The following ZC3H7B variants were observed in gnomAD, a reference collection of about 807,000 sequenced individuals.
ZC3H7B encodes the protein zinc finger CCCH domain-containing protein 7B.
ZC3H7B carries 35 observed loss-of-function variants against 116.0 expected under a neutral mutation model. That is an observed-to-expected ratio of 0.30 (90% CI 0.23 to 0.40). The LOEUF (loss-of-function observed/expected upper bound fraction) is 0.40. Among genes scored for constraint, ZC3H7B ranks in the 10% least tolerant of loss-of-function variants. The pLI is 1.00. For missense variants in ZC3H7B, 1,011 were observed against 1,321.5 expected (o/e 0.77, Z 3.64); for synonymous variants, 502 against 545.6 (o/e 0.92, Z 1.11).
rs2036365010 is a variant in ZC3H7B at position 41,330,233 on chromosome 22, G to A, written c.525+130G>A. On this transcript the variant is annotated intron_variant, in intron 6 of 22. Transcript: ENST00000352645. ...TTAGGACAGAGGGGAGTGACAGCAG[G>A]TGATCTTCCTTGTCTGTTGGCTGAA... 4.6e-6 allele frequency: 4 copies of A among 861,426 alleles called. No individual in the cohort carries two copies. In the Admixed American group the frequency reaches 1.1e-4, roughly 23 times the overall value. 53.4% of individuals were successfully genotyped at this position (861,426 alleles called of 1,614,324 possible).
intron 5 of ZC3H7B, among the ~76,000 whole-genome samples, chr22:41,328,514 T>C (rs758956273): frequency 7.9e-5 from 12 of 152,170 alleles, no homozygotes; most frequent in Non-Finnish European, 1.8e-4. Flanking sequence ...GTGTCTTCCT[T>C]GCCCTTTTGT....
In ZC3H7B at chr22:41,343,483, G is replaced by A. The variant is rs577282889; in HGVS notation, c.1366G>A (p.Gly456Ser). Residue 456 changes from glycine to serine, a missense_variant, in exon 13 of 23, where the codon GGC (glycine) becomes AGC (serine). By Grantham distance (56) the Gly-to-Ser change is moderately conservative. Around this residue, in one of 5 missense-constraint regions of ZC3H7B, gnomAD observed 179 missense variants for 178.5 expected, o/e 1.00. Transcript: ENST00000352645. ...EHKCKRDILLGRLRSSEDQTW... is the reference protein window; with the variant it reads ...EHKCKRDILLSRLRSSEDQTW... ...CAAGTGCAAGCGGGACATCCTGCTC[G>A]GCCGGCTCCGGAGCTCGGAGGACCA... 5.0e-5 allele frequency: 81 copies of A among 1,613,794 alleles called. No individual in the cohort carries two copies. Among genetic ancestry groups the A allele is most frequent in the East Asian group, 1.3e-4 (6 of 44,882 alleles).
Position 41,322,508 on chromosome 22 carries a change from T to C in ZC3H7B, c.53+1795T>C, listed in dbSNP as rs1036594609. On this transcript the variant is annotated intron_variant, in intron 2 of 22. Coordinates refer to ENST00000352645, the MANE Select transcript of ZC3H7B (RefSeq NM_017590.6). ...GCCCGACATTTGTTTTTGTTTTATT[T>C]CTCTTTTTTTTTACACACAAAATAT... Among the ~76,000 whole-genome samples the C allele has an allele frequency of 2.6e-5, 4 of 151,050 alleles. No homozygotes were observed. The East Asian group carries it at 7.7e-4, about 29-fold the overall frequency.
chr22:41,343,564 T>G lies in ZC3H7B; in HGVS notation c.1447T>G (p.Tyr483Asp). 1 of 1,607,082 alleles carries G rather than the reference T, an allele frequency of 6.2e-7. No homozygotes were observed. The highest frequency in any genetic ancestry group is 1.3e-5 in the African/African-American group (1 of 74,980). Residue 483 changes from tyrosine (Y) to aspartate (D), a missense_variant, in exon 13 of 23, where the codon TAC (tyrosine) becomes GAC (aspartate). By Grantham distance (160) the Tyr-to-Asp change is radical (BLOSUM62 -3). This residue lies in a region of ZC3H7B where 179 missense variants were observed against 178.5 expected (regional missense o/e 1.00). Transcript: ENST00000352645. ...TAAGACCAGCTTCGTGGGCTCCTAC[T>G]ACCTGTGCAAAGGTGGGTGGGCTGC... is the stretch of plus-strand genomic sequence containing the variant. ...PTKTSFVGSY[Y>D]LCKDMINKQD...
intron 21 of ZC3H7B, 45 bp from the exon 22 acceptor site, chr22:41,356,600 G>A (rs752772756): frequency 1.1e-5 from 17 of 1,612,028 alleles, no homozygotes; most frequent in Non-Finnish European, 1.4e-5. Flanking sequence ...GGTGGTCCGG[G>A]CAGAGGTGTG....
intron 1 of ZC3H7B, among the ~76,000 whole-genome samples, chr22:41,317,781 C>T (rs2036203024): frequency 1.3e-5 from 2 of 152,120 alleles, no homozygotes; most frequent in South Asian, 2.1e-4. Context: ...GAGACCCTAT[C>T]TCAAAACAAA....
intron 7 of ZC3H7B, chr22:41,336,938 C>T (rs952888320): frequency 6.6e-6 from 1 of 151,618 alleles, no homozygotes; most frequent in African/African-American, 2.4e-5. Context: ...GAATTCAAGA[C>T]CAGCCTGACC....
chr22:41,331,279 G>C (rs910320482), intron 6 of ZC3H7B, among the ~76,000 whole-genome samples: 1 of 148,370 alleles, frequency 6.7e-6, no homozygotes, highest in Non-Finnish European at 1.5e-5. Flanking sequence ...GGCCGGGCGC[G>C]GTGGCTCATG....
At chr22:41,319,316 G>A (rs1003565446) in intron 1 of ZC3H7B, among the ~76,000 whole-genome samples, 11 of 152,070 alleles carry the variant, frequency 7.2e-5, no homozygotes, top group African/African-American at 2.4e-4. Flanking sequence ...CAGAAGAATC[G>A]CTTGAACCCG....
chr22:41,306,717 C>T (rs980157860), intron 1 of ZC3H7B, among the ~76,000 whole-genome samples: 1 of 152,064 alleles, frequency 6.6e-6, no homozygotes, highest in African/African-American at 2.4e-5. Context: ...TGTAATTATC[C>T]CCATTTTACA....
At position 41,357,211 on chromosome 22, in the gene ZC3H7B, A is replaced by G; in HGVS notation, c.2716A>G (p.Lys906Glu). The change falls in exon 23 of 23, where the codon AAG becomes GAG. Residue 906 changes from lysine to glutamate, a missense_variant. Coordinates refer to ENST00000352645, the MANE Select transcript of ZC3H7B (RefSeq NM_017590.6). This position sits in a 1 kb window ranked among gnomAD's most constrained non-coding sequence, Gnocchi z 5.4. ...QKGKACPDGD[K>E]CRCAHGQEEL... is the part of the protein sequence containing the mutation. ...GGGCAAAGCCTGCCCAGATGGGGAC[A>G]AGTGCCGCTGCGCCCATGGACAGGA... 6.2e-7 allele frequency: 1 copy of G among 1,613,678 alleles called. No homozygotes were observed. Among genetic ancestry groups the G allele is most frequent in the South Asian group, 1.1e-5 (1 of 91,080 alleles).
At chr22:41,348,570 G>GT (rs1163630823) in intron 15 of ZC3H7B, among the ~76,000 whole-genome samples, 5 of 152,178 alleles carry the variant, frequency 3.3e-5, no homozygotes, top group African/African-American at 9.7e-5. Flanking sequence ...AGTGAGGGGA[G>GT]GCCTGGGTCA....
chr22:41,319,436 G>A (rs1345073216), intron 1 of ZC3H7B, among the ~76,000 whole-genome samples: 1 of 151,736 alleles, frequency 6.6e-6, no homozygotes, highest in Non-Finnish European at 1.5e-5. Context: ...CGGGCATAGT[G>A]GCAAGTGCTT....
At chr22:41,304,096 C>G (rs1048375874) in intron 1 of ZC3H7B, among the ~76,000 whole-genome samples, 1 of 151,742 alleles carries the variant, frequency 6.6e-6, no homozygotes, top group Admixed American at 6.6e-5. Context: ...CTCTGTCACC[C>G]AGGCTGGAGT....
At chr22:41,320,808 G>C (rs2036246052) in intron 2 of ZC3H7B, 95 bp downstream of exon 2, 2 of 1,553,550 alleles carry the variant, frequency 1.3e-6, no homozygotes, top group Admixed American at 3.4e-5. Context: ...TCTTGCTGCT[G>C]AGCCTTTGCT....
chr22:41,356,092 TC>T (rs2145945157), intron 20 of ZC3H7B, 30 bp downstream of exon 20: 2 of 1,522,910 alleles, frequency 1.3e-6, no homozygotes, highest in Non-Finnish European at 1.8e-6. Flanking sequence ...GGGCGGGCCC[TC>T]CCCCGGTGTC....
At chr22:41,341,567 C>T (rs1182580606) in intron 11 of ZC3H7B, among the ~76,000 whole-genome samples, 2 of 151,128 alleles carry the variant, frequency 1.3e-5, no homozygotes. Context: ...CACAGTGAAA[C>T]CCCGTCTCTA....
At chr22:41,303,276 GGAGA>G (rs1476875416) in intron 1 of ZC3H7B, among the ~76,000 whole-genome samples, 1 of 152,180 alleles carries the variant, frequency 6.6e-6, no homozygotes, top group Non-Finnish European at 1.5e-5. Context: ...TCTGAGGATG[GGAGA>G]GAGACTTTGT....
chr22:41,352,768 T>A (rs1235460123), intron 17 of ZC3H7B, among the ~76,000 whole-genome samples: 4 of 149,376 alleles, frequency 2.7e-5, no homozygotes, highest in East Asian at 2.0e-4. Flanking sequence ...TCTCAAAAAA[T>A]AAATAAATAA....
Sources: allele counts gnomAD v4.1 joint callset (sites outside exome capture counted in the v4.1 genomes callset), GRCh38; gene constraint gnomAD v4.1.1; regional missense constraint gnomAD v4.1.1; non-coding constraint Gnocchi (gnomAD v3.1); transcripts MANE v1.5; gene names NCBI Gene and HGNC (gene_info 2026-07-23, HGNC 2026-07-21).